Variants in BCL7A observed in about 807,000 individuals in gnomAD.
BCL7A encodes B-cell CLL/lymphoma 7 protein family member A.
BCL7A carries 11 observed loss-of-function variants against 28.4 expected under a neutral mutation model. The ratio of observed to expected loss-of-function variants is 0.39; its 90% CI spans 0.24 to 0.64. BCL7A has a LOEUF of 0.64. Ranked by LOEUF, BCL7A falls within the 30% of genes least tolerant of loss-of-function variation. The pLI is 0.50. For missense variants in BCL7A, 222 were observed against 274.8 expected, an observed-to-expected ratio of 0.81 and a Z score of 1.36; for synonymous variants, 123 against 103.3, an observed-to-expected ratio of 1.19 and a Z score of -1.15.
intron 4 of BCL7A, among the ~76,000 whole-genome samples, chr12:122,054,561 A>T (rs1042450166): frequency 2.0e-5 from 3 of 152,198 alleles, no homozygotes; most frequent in Non-Finnish European, 4.4e-5. Flanking sequence ...CAGGGCCCTC[A>T]GCAGCTAAGT....
At chr12:122,046,060 T>TTAA (rs1884070527) in intron 4 of BCL7A, among the ~76,000 whole-genome samples, 1 of 62,864 alleles carries the variant, frequency 1.6e-5, no homozygotes, top group Non-Finnish European at 2.8e-5. Flanking sequence ...GAGACCTTGC[T>TTAA]AAAAAAAAAA....
At chr12:122,045,910 G>A (rs774314335) in intron 4 of BCL7A, among the ~76,000 whole-genome samples, 4 of 151,502 alleles carry the variant, frequency 2.6e-5, no homozygotes, top group Non-Finnish European at 4.4e-5. Context: ...GCAAGAAGAC[G>A]AAACCCCGTC....
At chr12:122,045,617 T>G (rs1035960854) in intron 4 of BCL7A, among the ~76,000 whole-genome samples, 1 of 152,052 alleles carries the variant, frequency 6.6e-6, no homozygotes, top group Non-Finnish European at 1.5e-5. Context: ...ATTTTGAGTC[T>G]CTACAGAAAA....
chr12:122,023,252 T>C (rs1593019783), intron 1 of BCL7A, among the ~76,000 whole-genome samples: 2 of 152,302 alleles, frequency 1.3e-5, no homozygotes, highest in South Asian at 2.1e-4. Context: ...TATTATTTTT[T>C]TCCCACGCCT....
At chr12:122,022,480 C>G (rs1883486659) in intron 1 of BCL7A, among the ~76,000 whole-genome samples, 1 of 145,518 alleles carries the variant, frequency 6.9e-6, no homozygotes, top group African/African-American at 2.5e-5. Context: ...CGGCCCCCGC[C>G]GCGGCGCTCG....
chr12:122,045,835 T>A (rs1884064801), intron 4 of BCL7A, among the ~76,000 whole-genome samples: 1 of 151,896 alleles, frequency 6.6e-6, no homozygotes, highest in South Asian at 2.1e-4. Context: ...ATGCTTATAA[T>A]CTCAGCACTT....
intron 4 of BCL7A, among the ~76,000 whole-genome samples, chr12:122,048,370 C>T (rs886948906): frequency 6.6e-6 from 1 of 152,096 alleles, no homozygotes; most frequent in Non-Finnish European, 1.5e-5. Context: ...TCATAGTCAC[C>T]GCTGTGATGG....
At chr12:122,044,151 GC>G in intron 4 of BCL7A, 98 bp downstream of exon 4, 1 of 1,381,100 alleles carries the variant, frequency 7.2e-7, no homozygotes. Flanking sequence ...TCATGTGCCA[GC>G]CCCAGCAAGG....
Position 122,059,981 on chromosome 12 carries a change from C to T in BCL7A, c.*818C>T. ...AAGCCCTTGGAATTTTCTGGCACTTCCTCTCTATTGCCCCCACCACCACCA... is the reference window on the plus strand; with the variant it reads ...AAGCCCTTGGAATTTTCTGGCACTTTCTCTCTATTGCCCCCACCACCACCA... On this transcript the variant is annotated 3_prime_UTR_variant, in exon 6 of 6. Transcript: ENST00000261822. The surrounding 1 kb of genome is among the most constrained non-coding windows in gnomAD (Gnocchi z 4.0). The T allele has an allele frequency of 4.3e-6, 1 of 233,346 alleles. No homozygotes were observed. Among genetic ancestry groups the T allele is most frequent in the Non-Finnish European group, 8.5e-6 (1 of 117,868 alleles). 14.5% of individuals were successfully genotyped at this position (233,346 alleles called of 1,614,324 possible). A position where few individuals can be genotyped will look rare whatever the true frequency, so the allele number is the denominator to read the frequency against.
intron 5 of BCL7A, among the ~76,000 whole-genome samples, chr12:122,056,031 G>T (rs1951876220): frequency 6.6e-6 from 1 of 152,196 alleles, no homozygotes. Context: ...CTGGGGTCTT[G>T]TCTGAGACAG....
At chr12:122,024,184 G>C (rs887851775) in intron 1 of BCL7A, among the ~76,000 whole-genome samples, 1 of 152,228 alleles carries the variant, frequency 6.6e-6, no homozygotes, top group Non-Finnish European at 1.5e-5. Context: ...TGGGTTTGGG[G>C]AAACAACACA....
rs1054595228 is a variant in BCL7A, at chr12:122,022,316, G to A, written c.92+133G>A. ...CCCGCCGCGGGCCCCGGGACTTGGC[G>A]AGGGCGGGCGGACGGGCGGGCGGCG... On this transcript the variant is annotated intron_variant, in intron 1 of 5. Transcript: ENST00000261822. The A allele has an allele frequency of 4.9e-5, 19 of 390,114 alleles. No individual in the cohort carries two copies. The South Asian group carries it at 1.8e-3, about 38-fold the overall frequency. 24.2% of individuals were successfully genotyped at this position (390,114 alleles called of 1,614,324 possible).
At chr12:122,031,619 G>A (rs1474894603) in intron 2 of BCL7A, among the ~76,000 whole-genome samples, 1 of 152,254 alleles carries the variant, frequency 6.6e-6, no homozygotes, top group East Asian at 1.9e-4. Flanking sequence ...TGTGAATGGA[G>A]CTCAGGTCTG....
intron 1 of BCL7A, among the ~76,000 whole-genome samples, chr12:122,028,573 G>A (rs1245200252): frequency 1.3e-5 from 2 of 152,156 alleles, no homozygotes; most frequent in Non-Finnish European, 2.9e-5. Flanking sequence ...CGCTCCTTTA[G>A]AATGATTCTT....
At chr12:122,040,378 C>A (rs1213089332) in intron 3 of BCL7A, among the ~76,000 whole-genome samples, 1 of 151,770 alleles carries the variant, frequency 6.6e-6, no homozygotes, top group African/African-American at 2.4e-5. Flanking sequence ...ACTAAAAATA[C>A]AAAAATTAGC....
chr12:122,046,409 AGTGTG>A (rs1199805132), intron 4 of BCL7A, among the ~76,000 whole-genome samples: 1 of 152,158 alleles, frequency 6.6e-6, no homozygotes, highest in African/African-American at 2.4e-5. Flanking sequence ...GGGAGCAGCC[AGTGTG>A]GTTCTAGGAG....
At chr12:122,043,221 C>T (rs1013309960) in intron 3 of BCL7A, among the ~76,000 whole-genome samples, 3 of 152,068 alleles carry the variant, frequency 2.0e-5, no homozygotes, top group African/African-American at 7.2e-5. Flanking sequence ...ACACACAAGA[C>T]GTCTGGTTTC....
Position 122,043,875 on chromosome 12 carries a change from AC to A in BCL7A, c.272-6del. 6.2e-7 allele frequency: 1 copy of A among 1,605,182 alleles called. No homozygotes were observed. On this transcript the variant is annotated splice_polypyrimidine_tract_variant and intron_variant, in intron 3 of 5. Coordinates refer to ENST00000261822, the MANE Select transcript of BCL7A (RefSeq NM_001024808.3). ...GATTTCATCCTGTGGTTCTGTTCCC[AC>A]CCCCTACAGACGATAACAGCAACCA...
Position 122,022,083 on chromosome 12 carries a change from G to T in BCL7A, c.-9G>T, listed in dbSNP as rs2135832548. The T allele has an allele frequency of 6.4e-7, 1 of 1,556,580 alleles. No individual in the cohort carries two copies. Among genetic ancestry groups the T allele is most frequent in the Admixed American group, 1.8e-5 (1 of 55,100 alleles). ...CGCGCTCCCCAGCCTCCGTCTCCCC[G>T]CCGGAACCATGTCGGGCAGGTCGGT... On this transcript the variant is annotated 5_prime_UTR_variant, in exon 1 of 6. Transcript: ENST00000261822.
Sources: allele counts gnomAD v4.1 joint callset (sites outside exome capture counted in the v4.1 genomes callset), GRCh38; gene constraint gnomAD v4.1.1; non-coding constraint Gnocchi (gnomAD v3.1); transcripts MANE v1.5; gene names NCBI Gene and HGNC (gene_info 2026-07-23, HGNC 2026-07-21).